Variants in YJEFN3 observed in about 807,000 individuals in gnomAD.
YJEFN3 encodes the protein YjeF N-terminal domain containing 3.
A neutral mutation model predicts 31.5 loss-of-function variants in YJEFN3; 29 were observed. The observed-to-expected ratio is 0.92, with a 90% CI of 0.69 to 1.26. The LOEUF (loss-of-function observed/expected upper bound fraction) is 1.26, where lower values mean the gene tolerates loss of function less well. Ranked by LOEUF, YJEFN3 falls within the 50% of genes most tolerant of loss-of-function variation. The pLI, the probability that YJEFN3 is intolerant of heterozygous loss-of-function variation, is 0.00. For synonymous variants in YJEFN3, 227 were observed against 196.1 expected (o/e 1.16, Z -1.32); for missense variants, 442 against 425.4 (o/e 1.04, Z -0.34).
At chr19:19,529,060 G>A (rs2061127285) in intron 1 of YJEFN3, 69 bp downstream of exon 1, 3 of 1,537,864 alleles carry the variant, frequency 2.0e-6, no homozygotes, top group Non-Finnish European at 2.6e-6. Flanking sequence ...CCGTAGGACC[G>A]GAGGCAGGGT....
chr19:19,535,633 G>C lies in YJEFN3; in HGVS notation c.648G>C (p.Thr216=), dbSNP rs777689550. 4 of 1,584,032 alleles carry C rather than the reference G, an allele frequency of 2.5e-6. No individual in the cohort carries two copies. The highest frequency in any genetic ancestry group is 1.3e-5 in the African/African-American group (1 of 74,120). The change falls in exon 6 of 7, where the codon ACG becomes ACC. Residue 216 remains threonine (T), a synonymous_variant. Coordinates refer to ENST00000514277, the MANE Select transcript of YJEFN3 (RefSeq NM_198537.4). The part of the protein sequence containing the change: ...VGGPCTRALA[T]LKLLSIPLVS... ...GCCCCTGCACCCGCGCGCTGGCCAC[G>C]CTCAAGCTGCTGTCCATCCCCCTCG...
At chr19:19,536,838 C>T (rs967379501) in intron 6 of YJEFN3, among the ~76,000 whole-genome samples, 7 of 150,372 alleles carry the variant, frequency 4.7e-5, no homozygotes, top group East Asian at 3.9e-4. Flanking sequence ...GGCATGGTGG[C>T]GTGTGCCTGT....
Position 19,537,315 on chromosome 19 carries a change from T to C in YJEFN3, c.695-4T>C. The C allele has an allele frequency of 6.3e-7, 1 of 1,584,924 alleles. No homozygotes were observed. Among genetic ancestry groups the C allele is most frequent in the Non-Finnish European group, 8.5e-7 (1 of 1,171,494 alleles). ...CCCAATCCCCCCGGACCCTCCTCCC[T>C]CAGGCTGGGACGCAGAGACCGGCAG... On this transcript the variant is annotated splice_polypyrimidine_tract_variant and splice_region_variant and intron_variant, in intron 6 of 6. Transcript: ENST00000514277.
chr19:19,537,162 G>T, intron 6 of YJEFN3, 157 bp from the exon 7 acceptor site: 1 of 666,912 alleles, frequency 1.5e-6, no homozygotes, highest in South Asian at 2.0e-5. Context: ...TGGGTCTGAT[G>T]GGGGAGGGGA....
At chr19:19,533,101 C>T in intron 3 of YJEFN3, 1 of 1,042,410 alleles carries the variant, frequency 9.6e-7, no homozygotes, top group East Asian at 7.6e-5. Context: ...CCCTGTTCTG[C>T]AGGTGGGGAA....
Position 19,529,500 on chromosome 19 carries a change from C to A in YJEFN3, c.196C>A (p.Pro66Thr), listed in dbSNP as rs148161897. 1.1e-3 allele frequency: 1,781 copies of A among 1,613,642 alleles called. 43 individuals are homozygous for A. In the East Asian group the frequency reaches 0.029, roughly 26 times the overall value. ...SWLEQIWNAGPVCQSTAEAAA... is the reference protein window; with the variant it reads ...SWLEQIWNAGTVCQSTAEAAA... ...GCTAGAGCAGATTTGGAACGCAGGG[C>A]CTGTTTGCCAGAGGTTGGTGAGTTT... Residue 66 changes from proline to threonine, a missense_variant, in exon 2 of 7, where the codon CCT becomes ACT. Coordinates refer to ENST00000514277, the MANE Select transcript of YJEFN3 (RefSeq NM_198537.4).
chr19:19,533,766 A>G, intron 3 of YJEFN3: 1 of 985,460 alleles, frequency 1.0e-6, no homozygotes, highest in Non-Finnish European at 1.2e-6. Context: ...CCAAAGGAGA[A>G]GGAAAATCAA....
rs536423985 is a variant in YJEFN3 at position 19,528,982 on chromosome 19, A to T, written c.50A>T (p.His17Leu). 152 of 1,550,660 alleles carry T rather than the reference A, an allele frequency of 9.8e-5. No homozygotes were observed. Among genetic ancestry groups the T allele is most frequent in the Non-Finnish European group, 1.3e-4 (147 of 1,146,816 alleles). ...PDPSEAPEERHFLRALELQPP... is the reference protein window; with the variant it reads ...PDPSEAPEERLFLRALELQPP... ...CCGTCGGAGGCGCCCGAAGAGCGGCATTTCCTCAGGTCAGCTGGGGAGAGG... is the reference window on the plus strand; with the variant it reads ...CCGTCGGAGGCGCCCGAAGAGCGGCTTTTCCTCAGGTCAGCTGGGGAGAGG... The change falls in exon 1 of 7, where the codon CAT (histidine) becomes CTT (leucine). Residue 17 changes from histidine (H) to leucine (L), a missense_variant. Coordinates refer to ENST00000514277, the MANE Select transcript of YJEFN3 (RefSeq NM_198537.4).
At chr19:19,529,800 G>A (rs2061136602) in intron 2 of YJEFN3, among the ~76,000 whole-genome samples, 1 of 152,020 alleles carries the variant, frequency 6.6e-6, no homozygotes, top group South Asian at 2.1e-4. Context: ...GGGGCTCTCA[G>A]GGGTGGGTAG....
In YJEFN3 at chr19:19,530,222, G is replaced by A. The variant is rs181483921; in HGVS notation, c.209+709G>A. ...ACTTCAGGCCTCCTGGGTCTGACAG[G>A]GAAATCCTTGGGGCCTTGAAGCTTC... On this transcript the variant is annotated intron_variant, in intron 2 of 6. Coordinates refer to ENST00000514277, the MANE Select transcript of YJEFN3 (RefSeq NM_198537.4). Among the ~76,000 whole-genome samples, 5 of 152,214 alleles carry A rather than the reference G, an allele frequency of 3.3e-5. No homozygotes were observed. The East Asian group carries it at 7.7e-4, about 24-fold the overall frequency.
chr19:19,532,352 A>G (rs548728690), intron 2 of YJEFN3, among the ~76,000 whole-genome samples: 3 of 152,366 alleles, frequency 2.0e-5, no homozygotes, highest in African/African-American at 7.2e-5. Context: ...GCTTTGGAGC[A>G]GTAGAACCAA....
chr19:19,530,544 G>T (rs1025568471), intron 2 of YJEFN3, among the ~76,000 whole-genome samples: 1 of 152,098 alleles, frequency 6.6e-6, no homozygotes, highest in Non-Finnish European at 1.5e-5. Flanking sequence ...GGAATGCATC[G>T]CCCTCCCGCC....
intron 6 of YJEFN3, among the ~76,000 whole-genome samples, chr19:19,536,876 A>C (rs979150177): frequency 2.0e-5 from 3 of 152,160 alleles, no homozygotes; most frequent in African/African-American, 7.2e-5. Context: ...AGGCTGAGAC[A>C]GGAGAATTGC....
intron 2 of YJEFN3, 149 bp downstream of exon 2, chr19:19,529,662 C>A: frequency 9.5e-7 from 1 of 1,057,790 alleles, no homozygotes; most frequent in Non-Finnish European, 1.4e-6. Context: ...GCCCACCTAG[C>A]AGGGCACGTG....
At chr19:19,536,947 G>C (rs2061215233) in intron 6 of YJEFN3, among the ~76,000 whole-genome samples, 2 of 152,248 alleles carry the variant, frequency 1.3e-5, no homozygotes, top group Admixed American at 1.3e-4. Context: ...TCCAGCCTGG[G>C]TGACTGAAGA....
At chr19:19,535,834 C>T (rs1304577304) in intron 6 of YJEFN3, 155 bp downstream of exon 6, 1 of 1,027,234 alleles carries the variant, frequency 9.7e-7, no homozygotes, top group Admixed American at 2.1e-5. Context: ...ACCCATCCCT[C>T]TGATGGGGAA....
In YJEFN3 at chr19:19,535,569, C is replaced by A; in HGVS notation, c.584C>A (p.Ala195Asp). 1 of 1,582,510 alleles carries A rather than the reference C, an allele frequency of 6.3e-7. No individual in the cohort carries two copies. Among genetic ancestry groups the A allele is most frequent in the Admixed American group, 1.8e-5 (1 of 56,122 alleles). ...GAAGCCTATGGGCTGGTGGTGGATG[C>A]CGTACTGGGCCCCGGCGTGGAGCCG... ...INEAYGLVVDAVLGPGVEPGE... is the reference protein window; with the variant it reads ...INEAYGLVVDDVLGPGVEPGE... Residue 195 changes from alanine to aspartate, a missense_variant, in exon 6 of 7, where the codon GCC (alanine) becomes GAC (aspartate). Transcript: ENST00000514277.
Position 19,535,071 on chromosome 19 carries a change from C to T in YJEFN3, c.356C>T (p.Thr119Met), listed in dbSNP as rs545322147. The change falls in exon 4 of 7, where the codon ACG becomes ATG. Residue 119 changes from threonine to methionine, a missense_variant. Transcript: ENST00000514277. The stretch of plus-strand genomic sequence containing the variant: ...CCCGCTCTCTCCCGGAAGCAGAGGA[C>T]GGTGCTGGTCGTGTGTGGCCCGGAG... Reference protein sequence around the residue: ...PLPALSRKQRTVLVVCGPEQN... With the variant: ...PLPALSRKQRMVLVVCGPEQN... The T allele has an allele frequency of 8.7e-6, 14 of 1,610,928 alleles. No homozygotes were observed. Among genetic ancestry groups the T allele is most frequent in the South Asian group, 4.4e-5 (4 of 90,688 alleles).
Position 19,529,404 on chromosome 19 carries a change from G to A in YJEFN3, c.100G>A (p.Ala34Thr), listed in dbSNP as rs756591283. 1 of 1,614,058 alleles carries A rather than the reference G, an allele frequency of 6.2e-7. No homozygotes were observed. Among genetic ancestry groups the A allele is most frequent in the East Asian group, 2.2e-5 (1 of 44,886 alleles). Residue 34 changes from alanine (A) to threonine (T), a missense_variant, in exon 2 of 7, where the codon GCG becomes ACG. Ala to Thr is a moderately conservative substitution (Grantham distance 58). Transcript: ENST00000514277. ...GCCCCCACTTGCCGACATGGGAAGA[G>A]CGGAGCTTAGCTCAAATGCTACCAC... ...LQPPLADMGR[A>T]ELSSNATTSL...
Sources: allele counts gnomAD v4.1 joint callset (sites outside exome capture counted in the v4.1 genomes callset), GRCh38; gene constraint gnomAD v4.1.1; transcripts MANE v1.5; gene names NCBI Gene and HGNC (gene_info 2026-07-23, HGNC 2026-07-21).